Variants in SETMAR observed in about 807,000 individuals in gnomAD.
SETMAR encodes histone-lysine N-methyltransferase SETMAR.
Under a neutral mutation model 58.4 loss-of-function variants are expected in SETMAR, and 44 were observed. That is an observed-to-expected ratio of 0.75 (90% CI 0.59 to 0.97). SETMAR has a LOEUF of 0.97. Among genes scored for constraint, SETMAR ranks in the 50% least tolerant of loss-of-function variants. The probability of loss-of-function intolerance (pLI) is 0.00; values close to 1 mark genes in which losing one functional copy is unlikely to be tolerated. For missense variants in SETMAR, 903 were observed against 840.2 expected (o/e 1.07, Z -0.92); for synonymous variants, 332 against 307.4 (o/e 1.08, Z -0.84).
chr3:4,310,660 T>A (rs898183943), intron 1 of SETMAR, among the ~76,000 whole-genome samples: 4 of 152,218 alleles, frequency 2.6e-5, no homozygotes, highest in Admixed American at 1.3e-4. Context: ...AAATATATCA[T>A]GAGATTCTTC....
In SETMAR at chr3:4,317,125, C is replaced by T. The variant is rs1365839891; in HGVS notation, c.1934C>T (p.Ala645Val). 1.3e-6 allele frequency: 2 copies of T among 1,543,436 alleles called. No individual in the cohort carries two copies. Among genetic ancestry groups the T allele is most frequent in the South Asian group, 1.2e-5 (1 of 83,844 alleles). ...AAACGCTTCCACAACCAGCAGGATG[C>T]AGAAAATGCTTTCCAAGAGTTCGTC... ...QGKRFHNQQD[A>V]ENAFQEFVES... The change falls in exon 3 of 3, where the codon GCA becomes GTA. Residue 645 changes from alanine (A) to valine (V), a missense_variant. Transcript: ENST00000358065.
chr3:4,303,846 C>T (rs1698062288), intron 1 of SETMAR: 2 of 1,333,344 alleles, frequency 1.5e-6, no homozygotes, highest in Non-Finnish European at 2.0e-6. Context: ...ATTTACCTCC[C>T]TGGTCTCAGG....
chr3:4,306,558 A>AG (rs1698199208), intron 1 of SETMAR, among the ~76,000 whole-genome samples: 1 of 152,232 alleles, frequency 6.6e-6, no homozygotes, highest in African/African-American at 2.4e-5. Flanking sequence ...AGTTACAAAA[A>AG]TAAGACAGGA....
intron 1 of SETMAR, among the ~76,000 whole-genome samples, chr3:4,306,789 T>G (rs1285165793): frequency 1.3e-5 from 2 of 152,246 alleles, no homozygotes; most frequent in African/African-American, 2.4e-5. Context: ...ACTTTCAAGA[T>G]AAAAATAACT....
intron 1 of SETMAR, chr3:4,303,857 T>G: frequency 7.6e-7 from 1 of 1,317,456 alleles, no homozygotes; most frequent in Non-Finnish European, 1.0e-6. Flanking sequence ...TGGTCTCAGG[T>G]GTCTCTCACA....
chr3:4,306,888 C>G (rs146874840), intron 1 of SETMAR, among the ~76,000 whole-genome samples: 2 of 152,340 alleles, frequency 1.3e-5, no homozygotes, highest in East Asian at 3.9e-4. Context: ...ATAATGTCAT[C>G]AGTGTTGAAA....
At chr3:4,315,898 T>G (rs577202678) in intron 2 of SETMAR, among the ~76,000 whole-genome samples, 1 of 151,724 alleles carries the variant, frequency 6.6e-6, no homozygotes, top group African/African-American at 2.4e-5. Flanking sequence ...AATACAAAAA[T>G]TAGTTAGATG....
At chr3:4,307,180 C>T (rs980520983) in intron 1 of SETMAR, among the ~76,000 whole-genome samples, 1 of 152,158 alleles carries the variant, frequency 6.6e-6, no homozygotes, top group African/African-American at 2.4e-5. Flanking sequence ...AGGTTTTAAG[C>T]CTAGAATGTT....
Position 4,313,514 on chromosome 3 carries a change from T to C in SETMAR, c.773T>C (p.Leu258Pro). Residue 258 changes from leucine (L) to proline (P), a missense_variant, in exon 2 of 3, where the codon CTC (leucine) becomes CCC (proline). Leu to Pro is a moderately conservative substitution (Grantham distance 98). Coordinates refer to ENST00000358065, the MANE Select transcript of SETMAR (RefSeq NM_006515.4). ...AAKDIVPEEE[L>P]SYDYSGRYLN... ...AAAGATATTGTGCCAGAAGAAGAAC[T>C]CTCTTATGATTATTCAGGAAGATAT... is the stretch of plus-strand genomic sequence containing the variant. 3 of 1,613,906 alleles carry C rather than the reference T, an allele frequency of 1.9e-6. No individual in the cohort carries two copies. Among genetic ancestry groups the C allele is most frequent in the Non-Finnish European group, 2.5e-6 (3 of 1,179,888 alleles).
At chr3:4,305,637 G>A (rs995990837) in intron 1 of SETMAR, among the ~76,000 whole-genome samples, 3 of 152,092 alleles carry the variant, frequency 2.0e-5, no homozygotes, top group African/African-American at 7.2e-5. Context: ...AAAATATTTT[G>A]ATTTCTTCCC....
In SETMAR at chr3:4,313,572, G is replaced by C; in HGVS notation, c.831G>C (p.Arg277Ser). 1 of 1,614,030 alleles carries C rather than the reference G, an allele frequency of 6.2e-7. No individual in the cohort carries two copies. Among genetic ancestry groups the C allele is most frequent in the Non-Finnish European group, 8.5e-7 (1 of 1,179,976 alleles). Residue 277 changes from arginine to serine, a missense_variant, in exon 2 of 3, where the codon AGG becomes AGC. Arg to Ser is a moderately radical substitution (Grantham distance 110, BLOSUM62 -1). Transcript: ENST00000358065. ...LNLTVSEDKERLDHGKLRKPC... is the reference protein window; with the variant it reads ...LNLTVSEDKESLDHGKLRKPC... ...TAACAGTCAGTGAAGACAAAGAAAG[G>C]CTAGATCATGGGAAACTAAGGAAAC...
Position 4,303,413 on chromosome 3 carries a change from G to C in SETMAR, c.43G>C (p.Ala15Pro). The C allele has an allele frequency of 6.4e-7, 1 of 1,557,378 alleles. No individual in the cohort carries two copies. The highest frequency in any genetic ancestry group is 8.6e-7 in the Non-Finnish European group (1 of 1,156,432). Residue 15 changes from alanine to proline, a missense_variant, in exon 1 of 3, where the codon GCG (alanine) becomes CCG (proline). Ala to Pro is a conservative substitution (Grantham distance 27, BLOSUM62 -1). Transcript: ENST00000358065. ...AAKTTRPCGM[A>P]EFKEKPEAPT... is the part of the protein sequence containing the mutation. ...AAAGACGACACGGCCTTGTGGGATGGCGGAGTTTAAGGAGAAGCCTGAGGC... is the reference window on the plus strand; with the variant it reads ...AAAGACGACACGGCCTTGTGGGATGCCGGAGTTTAAGGAGAAGCCTGAGGC...
chr3:4,304,971 G>T (rs1397904889), intron 1 of SETMAR, among the ~76,000 whole-genome samples: 4 of 151,784 alleles, frequency 2.6e-5, no homozygotes, highest in Non-Finnish European at 5.9e-5. Context: ...ACTCAAAGTG[G>T]TGGGGGGGGC....
At chr3:4,306,156 G>A (rs537481314) in intron 1 of SETMAR, among the ~76,000 whole-genome samples, 3 of 152,218 alleles carry the variant, frequency 2.0e-5, no homozygotes, top group South Asian at 2.1e-4. Flanking sequence ...GTGTGTGTGC[G>A]TTTGAGACTA....
Position 4,316,334 on chromosome 3 carries a change from T to C in SETMAR, c.1143T>C (p.Ala381=). 7.1e-7 allele frequency: 1 copy of C among 1,402,794 alleles called. No homozygotes were observed. The highest frequency in any genetic ancestry group is 9.8e-7 in the Non-Finnish European group (1 of 1,020,958). 86.9% of individuals were successfully genotyped at this position (1,402,794 alleles called of 1,614,324 possible). Residue 381 remains alanine, a synonymous_variant, in exon 3 of 3, where the codon GCT becomes GCC. Coordinates refer to ENST00000358065, the MANE Select transcript of SETMAR (RefSeq NM_006515.4). ...ACAATGCATTTGGCCCAGGAACTGCTAACGAACGTACAGTGCAGTGGTGGT... is the reference window on the plus strand; with the variant it reads ...ACAATGCATTTGGCCCAGGAACTGCCAACGAACGTACAGTGCAGTGGTGGT... ...NINNAFGPGT[A]NERTVQWWFK...
intron 1 of SETMAR, 92 bp downstream of exon 1, chr3:4,303,618 C>T (rs938091666): frequency 7.2e-7 from 1 of 1,381,938 alleles, no homozygotes; most frequent in Non-Finnish European, 9.4e-7. Context: ...CTCCCAGTCG[C>T]GACCTTTTGT....
Position 4,316,982 on chromosome 3 carries a change from C to G in SETMAR, c.1791C>G (p.Pro597=), listed in dbSNP as rs996953816. The G allele has an allele frequency of 1.3e-6, 2 of 1,549,372 alleles. No individual in the cohort carries two copies. Among genetic ancestry groups the G allele is most frequent in the Admixed American group, 2.0e-5 (1 of 50,974 alleles). The change falls in exon 3 of 3, where the codon CCC becomes CCG. Residue 597 remains proline, a synonymous_variant. Coordinates refer to ENST00000358065, the MANE Select transcript of SETMAR (RefSeq NM_006515.4). ...ATGCCCGACCGCATGTTGCACAACC[C>G]ACACTTCAAAAGTTGAATGAATTGG... ...HDNARPHVAQ[P]TLQKLNELGY...
rs747481924 is a variant in SETMAR, at chr3:4,316,632, C to G, written c.1441C>G (p.Leu481Val). 6.4e-7 allele frequency: 1 copy of G among 1,551,224 alleles called. No homozygotes were observed. Among genetic ancestry groups the G allele is most frequent in the Non-Finnish European group, 8.7e-7 (1 of 1,146,740 alleles). The change falls in exon 3 of 3, where the codon CTA becomes GTA. Residue 481 changes from leucine (L) to valine (V), a missense_variant. Transcript: ENST00000358065. ...RRFEVSSSLI[L>V]RNHNEPFLDR... ...TTTTGAAGTGTCATCTTCTCTTATT[C>G]TACGCAACCACAACGAACCATTTCT...
In SETMAR at chr3:4,313,688, G is replaced by T; in HGVS notation, c.947G>T (p.Gly316Val). 4 of 1,613,984 alleles carry T rather than the reference G, an allele frequency of 2.5e-6. No homozygotes were observed. The highest frequency in any genetic ancestry group is 2.5e-6 in the Non-Finnish European group (3 of 1,179,960). ...GTAGAAAAGTCGAACATCAGTTGTGGAAATGAGAAGGAACCCAGCATGTGT... is the reference window on the plus strand; with the variant it reads ...GTAGAAAAGTCGAACATCAGTTGTGTAAATGAGAAGGAACCCAGCATGTGT... ...CPVEKSNISC[G>V]NEKEPSMCGS... Residue 316 changes from glycine (G) to valine (V), a missense_variant, in exon 2 of 3, where the codon GGA becomes GTA. Physicochemically the swap from Gly to Val is moderately radical, Grantham distance 109. Transcript: ENST00000358065.
Sources: allele counts gnomAD v4.1 joint callset (sites outside exome capture counted in the v4.1 genomes callset), GRCh38; gene constraint gnomAD v4.1.1; transcripts MANE v1.5; gene names NCBI Gene and HGNC (gene_info 2026-07-23, HGNC 2026-07-21).